Variants in NDUFS6 observed in about 807,000 individuals in gnomAD.
NDUFS6 encodes the protein NADH:ubiquinone oxidoreductase subunit S6.
Under a neutral mutation model 13.2 loss-of-function variants are expected in NDUFS6, and 14 were observed. The observed-to-expected ratio is 1.06, with a 90% confidence interval of 0.70 to 1.66. The LOEUF (loss-of-function observed/expected upper bound fraction) is 1.66, where lower values mean the gene tolerates loss of function less well. NDUFS6 is among the 40% of genes most tolerant of loss of function. The probability of loss-of-function intolerance (pLI) is 0.00; values close to 1 mark genes in which losing one functional copy is unlikely to be tolerated. For synonymous variants in NDUFS6, 95 were observed against 72.3 expected (o/e 1.31, Z -1.60); for missense variants, 206 against 170.8 (o/e 1.21, Z -1.15).
rs1734272313 is a variant in NDUFS6, at chr5:1,814,484, A to T, written c.309+23A>T. 7 of 1,614,116 alleles carry T rather than the reference A, an allele frequency of 4.3e-6. No individual in the cohort carries two copies. In the Middle Eastern group the frequency reaches 4.9e-4, roughly 114 times the overall value. On this transcript the variant is annotated intron_variant, in intron 3 of 3. Coordinates refer to ENST00000274137, the MANE Select transcript of NDUFS6 (RefSeq NM_004553.6). The surrounding 1 kb of genome is among the most constrained non-coding windows in gnomAD (Gnocchi z 4.9). ...TTGGTGCGTAGCTGGCCACCTGTGC[A>T]CATGTTAGGGCAGCCTGCTCGTCCT...
intron 2 of NDUFS6, among the ~76,000 whole-genome samples, chr5:1,809,903 G>T (rs191179381): frequency 0.013 from 1,961 of 152,366 alleles, 37 homozygotes; most frequent in African/African-American, 0.043. Context: ...GCGCCACACG[G>T]CTCAGGCCTC....
chr5:1,812,120 G>T lies in NDUFS6; in HGVS notation c.187-2219G>T, dbSNP rs1333801731. On this transcript the variant is annotated intron_variant, in intron 2 of 3. Coordinates refer to ENST00000274137, the MANE Select transcript of NDUFS6 (RefSeq NM_004553.6). ...GAGATTTATTTCTTACAGTCTGGAG[G>T]CTGGGAAATCCAAGGTTGAGGGCTG... is the stretch of plus-strand genomic sequence containing the variant. Among the ~76,000 whole-genome samples, 4 of 152,144 alleles carry T rather than the reference G, an allele frequency of 2.6e-5. No homozygotes were observed. In the South Asian group the frequency reaches 8.3e-4, roughly 32 times the overall value.
Position 1,809,262 on chromosome 5 carries a change from G to A in NDUFS6, c.187-5077G>A, listed in dbSNP as rs147768867. ...GTGTGCTTAACAAGAGATGGCGTGC[G>A]GGCTGCTGTGACGGTTCTCCCTTGA... is the stretch of plus-strand genomic sequence containing the variant. On this transcript the variant is annotated intron_variant, in intron 2 of 3. Transcript: ENST00000274137. Among the ~76,000 whole-genome samples the A allele has an allele frequency of 8.4e-4, 128 of 152,238 alleles. 1 individual carries two copies. Among genetic ancestry groups the A allele is most frequent in the African/African-American group, 2.9e-3 (119 of 41,536 alleles).
chr5:1,802,022 C>T, intron 1 of NDUFS6: 1 of 454,668 alleles, frequency 2.2e-6, no homozygotes, highest in South Asian at 2.5e-5. Context: ...GCTCTCAGGC[C>T]ATATGCCAAA....
At chr5:1,805,637 A>C (rs896671394) in intron 2 of NDUFS6, among the ~76,000 whole-genome samples, 2 of 152,232 alleles carry the variant, frequency 1.3e-5, no homozygotes, top group African/African-American at 4.8e-5. Flanking sequence ...GGGGGACTGG[A>C]ACAAACTTGG....
chr5:1,814,649 C>A lies in NDUFS6; in HGVS notation c.309+188C>A. Reference sequence around the variant, plus strand: ...CAGGGCCTACATAGAGCCGCCTGTCCGAAAACCCCCTTTCAACTGTGAAGT... The same window carrying A: ...CAGGGCCTACATAGAGCCGCCTGTCAGAAAACCCCCTTTCAACTGTGAAGT... On this transcript the variant is annotated intron_variant, in intron 3 of 3. Coordinates refer to ENST00000274137, the MANE Select transcript of NDUFS6 (RefSeq NM_004553.6). The surrounding 1 kb of genome is among the most constrained non-coding windows in gnomAD (Gnocchi z 4.9). The A allele has an allele frequency of 1.1e-6, 1 of 892,822 alleles. No individual in the cohort carries two copies. The highest frequency in any genetic ancestry group is 1.8e-6 in the Non-Finnish European group (1 of 558,918). 55.3% of individuals were successfully genotyped at this position (892,822 alleles called of 1,614,324 possible). A position where few individuals can be genotyped will look rare whatever the true frequency, so the allele number is the denominator to read the frequency against.
In NDUFS6 at chr5:1,814,943, C is replaced by T. The variant is rs926705486; in HGVS notation, c.309+482C>T. Among the ~76,000 whole-genome samples the T allele has an allele frequency of 3.9e-5, 6 of 152,324 alleles. No homozygotes were observed. Among genetic ancestry groups the T allele is most frequent in the Non-Finnish European group, 7.3e-5 (5 of 68,032 alleles). On this transcript the variant is annotated intron_variant, in intron 3 of 3. Transcript: ENST00000274137. The surrounding 1 kb of genome is among the most constrained non-coding windows in gnomAD (Gnocchi z 4.9). ...GGCCGTCCCTCTGTGGGAGACTCCT[C>T]ATCCCCTCTTCTTATAAGGGCACCA... is the stretch of plus-strand genomic sequence containing the variant.
intron 2 of NDUFS6, among the ~76,000 whole-genome samples, chr5:1,812,591 G>A (rs960247381): frequency 7.3e-6 from 1 of 137,354 alleles, no homozygotes; most frequent in Non-Finnish European, 1.6e-5. Flanking sequence ...ACAGTAGAGT[G>A]TCTGAAGTTC....
intron 2 of NDUFS6, among the ~76,000 whole-genome samples, chr5:1,803,291 T>C (rs1182469057): frequency 6.6e-6 from 1 of 152,212 alleles, no homozygotes. Flanking sequence ...TGTGGTTTGA[T>C]GGGTGGGTGT....
At chr5:1,804,586 T>C (rs1734096317) in intron 2 of NDUFS6, among the ~76,000 whole-genome samples, 1 of 152,252 alleles carries the variant, frequency 6.6e-6, no homozygotes, top group African/African-American at 2.4e-5. Context: ...GTTGATAACA[T>C]GATGAGTGGG....
chr5:1,814,170 G>C lies in NDUFS6; in HGVS notation c.187-169G>C, dbSNP rs557220971. On this transcript the variant is annotated intron_variant, in intron 2 of 3. Coordinates refer to ENST00000274137, the MANE Select transcript of NDUFS6 (RefSeq NM_004553.6). This position sits in a 1 kb window ranked among gnomAD's most constrained non-coding sequence, Gnocchi z 4.9. ...TGGAACTTTATTCCAGTGAAAAGTA[G>C]ATGTGTGTGTAGGCCCTGAATTTAA... Among the ~76,000 whole-genome samples the C allele has an allele frequency of 6.6e-6, 1 of 152,262 alleles. No homozygotes were observed. Among genetic ancestry groups the C allele is most frequent in the Non-Finnish European group, 1.5e-5 (1 of 68,056 alleles).
intron 2 of NDUFS6, among the ~76,000 whole-genome samples, chr5:1,806,565 A>C (rs1734126102): frequency 6.6e-6 from 1 of 152,172 alleles, no homozygotes; most frequent in Non-Finnish European, 1.5e-5. Context: ...GTGAAGTTTT[A>C]TCCTTCTGAG....
At chr5:1,811,655 G>A (rs1734220967) in intron 2 of NDUFS6, among the ~76,000 whole-genome samples, 2 of 152,150 alleles carry the variant, frequency 1.3e-5, no homozygotes. Context: ...ACCCACAGCT[G>A]GATTCTACTG....
Position 1,815,707 on chromosome 5 carries a change from C to T in NDUFS6, c.310-144C>T, listed in dbSNP as rs10078791. On this transcript the variant is annotated intron_variant, in intron 3 of 3. Transcript: ENST00000274137. Reference sequence around the variant, plus strand: ...GCTTCGGTCAGCCTGGAACCGAGATCGACAGTCTGCATTCTTACTTCAGTA... The same window carrying T: ...GCTTCGGTCAGCCTGGAACCGAGATTGACAGTCTGCATTCTTACTTCAGTA... 46,421 of 883,476 alleles carry T rather than the reference C, an allele frequency of 0.053. 4,051 individuals are homozygous for T. Among genetic ancestry groups the T allele is most frequent in the African/African-American group, 0.33 (19,751 of 59,594 alleles). 54.7% of individuals were successfully genotyped at this position (883,476 alleles called of 1,614,324 possible).
intron 3 of NDUFS6, among the ~76,000 whole-genome samples, chr5:1,815,053 G>A (rs996087478): frequency 5.9e-5 from 9 of 152,184 alleles, no homozygotes; most frequent in Non-Finnish European, 1.0e-4. Flanking sequence ...CAGTCACATC[G>A]GGGGTTAGGA....
At chr5:1,811,066 AGTT>A (rs1734211536) in intron 2 of NDUFS6, among the ~76,000 whole-genome samples, 1 of 152,230 alleles carries the variant, frequency 6.6e-6, no homozygotes, top group Non-Finnish European at 1.5e-5. Flanking sequence ...ATGAAAAGTC[AGTT>A]CATTTTCTCT....
At chr5:1,815,381 T>C (rs1021899846) in intron 3 of NDUFS6, among the ~76,000 whole-genome samples, 2 of 152,220 alleles carry the variant, frequency 1.3e-5, no homozygotes, top group African/African-American at 4.8e-5. Context: ...GACTTTAACT[T>C]CGTTAGAGCT....
At chr5:1,808,597 C>T (rs777547630) in intron 2 of NDUFS6, among the ~76,000 whole-genome samples, 1 of 152,158 alleles carries the variant, frequency 6.6e-6, no homozygotes, top group Non-Finnish European at 1.5e-5. Context: ...TCCCCAGCTT[C>T]GTCTTTGCTT....
intron 2 of NDUFS6, among the ~76,000 whole-genome samples, chr5:1,813,535 A>G (rs1242356131): frequency 6.6e-6 from 1 of 152,070 alleles, no homozygotes; most frequent in Non-Finnish European, 1.5e-5. Flanking sequence ...CTTCCTGTCC[A>G]CTTACCCACT....
Sources: allele counts gnomAD v4.1 joint callset (sites outside exome capture counted in the v4.1 genomes callset), GRCh38; gene constraint gnomAD v4.1.1; non-coding constraint Gnocchi (gnomAD v3.1); transcripts MANE v1.5; gene names NCBI Gene and HGNC (gene_info 2026-07-23, HGNC 2026-07-21).